Variants in KLHL14 observed in about 807,000 individuals in gnomAD.
KLHL14 encodes kelch-like protein 14.
KLHL14 carries 22 observed loss-of-function variants against 64.3 expected under a neutral mutation model. That is an observed-to-expected ratio of 0.34 (90% confidence interval 0.24 to 0.49). KLHL14 has a LOEUF of 0.49. Ranked by LOEUF, KLHL14 falls within the 20% of genes least tolerant of loss-of-function variation. KLHL14 has a pLI of 0.99. For missense variants in KLHL14, 661 were observed against 789.0 expected, an observed-to-expected ratio of 0.84 and a Z score of 1.94; for synonymous variants, 322 against 333.4, an observed-to-expected ratio of 0.97 and a Z score of 0.37.
intron 3 of KLHL14, among the ~76,000 whole-genome samples, chr18:32,701,638 A>G (rs568344030): frequency 3.3e-5 from 5 of 152,310 alleles, no homozygotes; most frequent in African/African-American, 1.2e-4. Flanking sequence ...ACATAATCTG[A>G]TTTATGTTTT....
chr18:32,732,825 GAGAT>G (rs2050143344), intron 3 of KLHL14, among the ~76,000 whole-genome samples: 1 of 152,194 alleles, frequency 6.6e-6, no homozygotes. Flanking sequence ...TAAGGAAACT[GAGAT>G]AGAAGAGTAG....
chr18:32,684,135 T>C (rs1382116237), intron 5 of KLHL14, among the ~76,000 whole-genome samples: 1 of 152,212 alleles, frequency 6.6e-6, no homozygotes, highest in African/African-American at 2.4e-5. Context: ...GCATTTCTAC[T>C]GTTCCAAGTT....
intron 7 of KLHL14, among the ~76,000 whole-genome samples, chr18:32,679,004 G>A (rs1489533511): frequency 1.3e-5 from 2 of 152,096 alleles, no homozygotes; most frequent in African/African-American, 4.8e-5. Flanking sequence ...ACATGTCGAC[G>A]TAAAGGAATG....
intron 3 of KLHL14, among the ~76,000 whole-genome samples, chr18:32,721,531 G>C (rs2050079908): frequency 6.6e-6 from 1 of 152,176 alleles, no homozygotes; most frequent in Non-Finnish European, 1.5e-5. Flanking sequence ...CTGAGCATTT[G>C]TTCAGGCTTT....
intron 3 of KLHL14, among the ~76,000 whole-genome samples, chr18:32,725,791 CT>C (rs1383572452): frequency 1.3e-5 from 2 of 152,200 alleles, no homozygotes; most frequent in African/African-American, 4.8e-5. Context: ...GTCAGTACAG[CT>C]TGTGACTTAA....
intron 3 of KLHL14, among the ~76,000 whole-genome samples, chr18:32,717,296 G>C (rs2050050920): frequency 6.6e-6 from 1 of 152,170 alleles, no homozygotes; most frequent in Non-Finnish European, 1.5e-5. Context: ...AAGTGAGAAA[G>C]ACAAGGGGAA....
intron 3 of KLHL14, among the ~76,000 whole-genome samples, chr18:32,696,557 G>C (rs971704452): frequency 3.9e-5 from 6 of 152,182 alleles, no homozygotes; most frequent in Admixed American, 6.5e-5. Context: ...GACAAATGGG[G>C]AGGTGATGTG....
rs1244400987 is a variant in KLHL14, at chr18:32,683,891, T to C, written c.1238+3264A>G. On this transcript the variant is annotated intron_variant, in intron 5 of 8. Transcript: ENST00000359358. The surrounding 1 kb of genome is among the most constrained non-coding windows in gnomAD (Gnocchi z 4.2). ...ATGTTAGAAAGAATATTGTCTCCCA[T>C]TGTTTCTTGTAACACAAAATATTAC... Among the ~76,000 whole-genome samples the C allele has an allele frequency of 6.6e-6, 1 of 152,222 alleles. No individual in the cohort carries two copies. The highest frequency in any genetic ancestry group is 1.5e-5 in the Non-Finnish European group (1 of 68,036).
intron 3 of KLHL14, among the ~76,000 whole-genome samples, chr18:32,704,820 T>C (rs1568069450): frequency 1.3e-5 from 2 of 152,318 alleles, no homozygotes; most frequent in East Asian, 3.9e-4. Flanking sequence ...TCTGAGCATA[T>C]GAAGATGAAT....
chr18:32,763,109 T>A (rs2050322917), intron 2 of KLHL14, among the ~76,000 whole-genome samples: 1 of 44,634 alleles, frequency 2.2e-5, no homozygotes, highest in Middle Eastern at 0.014. Flanking sequence ...AGCTTCAAGG[T>A]TTTTTTTTTT....
intron 3 of KLHL14, among the ~76,000 whole-genome samples, chr18:32,720,220 A>G (rs12454261): frequency 0.25 from 38,502 of 152,102 alleles, 5,005 homozygotes; most frequent in Middle Eastern, 0.32. Flanking sequence ...GCCCTGCTAA[A>G]GAGTTGGATT....
At chr18:32,679,780 A>G (rs2049829244) in intron 7 of KLHL14, among the ~76,000 whole-genome samples, 1 of 152,180 alleles carries the variant, frequency 6.6e-6, no homozygotes, top group Admixed American at 6.5e-5. Flanking sequence ...ACTTATGACT[A>G]AAGTTCCTTA....
intron 2 of KLHL14, among the ~76,000 whole-genome samples, chr18:32,767,764 G>A (rs1214531042): frequency 1.3e-5 from 2 of 152,148 alleles, no homozygotes; most frequent in African/African-American, 2.4e-5. Context: ...TGCATTGAGG[G>A]CTTCAGAAAT....
intron 3 of KLHL14, among the ~76,000 whole-genome samples, chr18:32,732,289 A>T (rs182251315): frequency 6.6e-6 from 1 of 152,366 alleles, no homozygotes; most frequent in East Asian, 1.9e-4. Flanking sequence ...CTGACAATAC[A>T]GTCCTATGTA....
At chr18:32,697,489 AT>A (rs2049942537) in intron 3 of KLHL14, among the ~76,000 whole-genome samples, 1 of 152,254 alleles carries the variant, frequency 6.6e-6, no homozygotes, top group South Asian at 2.1e-4. Context: ...AACTTATTCT[AT>A]GACCACAGCT....
At chr18:32,750,026 A>AG (rs898740467) in intron 2 of KLHL14, among the ~76,000 whole-genome samples, 13 of 151,668 alleles carry the variant, frequency 8.6e-5, no homozygotes, top group African/African-American at 3.1e-4. Flanking sequence ...TCATATGGTG[A>AG]GGGGGGCAAT....
At chr18:32,716,392 T>C (rs2050045408) in intron 3 of KLHL14, among the ~76,000 whole-genome samples, 1 of 151,728 alleles carries the variant, frequency 6.6e-6, no homozygotes, top group South Asian at 2.1e-4. Context: ...AAAATTATTA[T>C]AAATTGTGAA....
rs1394226388 is a variant in KLHL14 at position 32,706,875 on chromosome 18, G to A, written c.1070-11323C>T. Among the ~76,000 whole-genome samples, 3 of 152,190 alleles carry A rather than the reference G, an allele frequency of 2.0e-5. No homozygotes were observed. The East Asian group carries it at 5.8e-4, about 29-fold the overall frequency. ...GTCTCCTGGAGCTTGACAGGCACAG[G>A]GAGATGTCTGAAGGCATAAGGCTGG... On this transcript the variant is annotated intron_variant, in intron 3 of 8. Transcript: ENST00000359358.
chr18:32,742,323 C>T (rs1482685171), intron 2 of KLHL14, among the ~76,000 whole-genome samples: 1 of 152,054 alleles, frequency 6.6e-6, no homozygotes, highest in Non-Finnish European at 1.5e-5. Flanking sequence ...TTATATTATC[C>T]CTTTAAATCA....
Sources: gnomAD v4.1 joint callset for allele counts (sites outside exome capture counted in the v4.1 genomes callset) on GRCh38, gnomAD v4.1.1 for gene constraint, Gnocchi (gnomAD v3.1) non-coding constraint, MANE v1.5 for transcripts, NCBI Gene and HGNC (gene_info 2026-07-23, HGNC 2026-07-21) for gene names.